Variants in UGT1A9 observed in about 807,000 individuals in gnomAD.
UGT1A9 encodes UDP glucuronosyltransferase family 1 member A9.
In UGT1A9, 35 loss-of-function variants were observed where a neutral mutation model predicts 45.0. The observed-to-expected ratio is 0.78, with a 90% CI of 0.59 to 1.03. The LOEUF (loss-of-function observed/expected upper bound fraction) is 1.03, where lower values mean the gene tolerates loss of function less well. Ranked by LOEUF, UGT1A9 falls within the 50% of genes least tolerant of loss-of-function variation. The probability of loss-of-function intolerance (pLI) is 0.00; values close to 1 mark genes in which losing one functional copy is unlikely to be tolerated. For synonymous variants in UGT1A9, 278 were observed against 250.6 expected (o/e 1.11, Z -1.03); for missense variants, 687 against 666.6 (o/e 1.03, Z -0.34).
intron 1 of UGT1A9, chr2:233,690,736 T>C (rs1485807418): frequency 1.7e-6 from 2 of 1,207,170 alleles, no homozygotes; most frequent in Non-Finnish European, 2.1e-6. Flanking sequence ...GCCAGATTCC[T>C]CTGGCTAGTG....
chr2:233,736,955 C>T (rs954996490), intron 1 of UGT1A9, among the ~76,000 whole-genome samples: 6 of 152,190 alleles, frequency 3.9e-5, no homozygotes, highest in African/African-American at 1.2e-4. Context: ...TCTGTTGGCC[C>T]CTACTGGGAG....
intron 1 of UGT1A9, among the ~76,000 whole-genome samples, chr2:233,702,537 T>G (rs2075692564): frequency 6.6e-6 from 1 of 152,208 alleles, no homozygotes; most frequent in Non-Finnish European, 1.5e-5. Context: ...ATCTTGTTCC[T>G]GATCTTAGGT....
chr2:233,686,223 C>A (rs2074778495), intron 1 of UGT1A9, among the ~76,000 whole-genome samples: 1 of 151,180 alleles, frequency 6.6e-6, no homozygotes, highest in Admixed American at 6.6e-5. Flanking sequence ...ATATTTGTGA[C>A]CTTGGATTTG....
chr2:233,688,290 A>AT (rs1275876598), intron 1 of UGT1A9, among the ~76,000 whole-genome samples: 41 of 152,054 alleles, frequency 2.7e-4, no homozygotes, highest in South Asian at 4.2e-4. Flanking sequence ...GATTTACCGC[A>AT]TTTTTTTTAT....
intron 1 of UGT1A9, among the ~76,000 whole-genome samples, chr2:233,696,580 A>T (rs2125568256): frequency 6.6e-6 from 1 of 151,478 alleles, no homozygotes; most frequent in South Asian, 2.1e-4. Context: ...GAATAATTTG[A>T]CTTCTTCCTT....
chr2:233,745,758 T>G (rs1376334947), intron 1 of UGT1A9, among the ~76,000 whole-genome samples: 23 of 128,998 alleles, frequency 1.8e-4, no homozygotes, highest in East Asian at 4.6e-4. Context: ...GCAGAAGGGG[T>G]GGAGAGGAGG....
intron 1 of UGT1A9, among the ~76,000 whole-genome samples, chr2:233,701,119 T>C (rs1402292168): frequency 2.6e-5 from 4 of 152,206 alleles, no homozygotes; most frequent in African/African-American, 7.2e-5. Context: ...CAGTCTATCA[T>C]TGAGGGACAT....
chr2:233,705,088 A>G (rs1036319858), intron 1 of UGT1A9, among the ~76,000 whole-genome samples: 1 of 151,886 alleles, frequency 6.6e-6, no homozygotes, highest in Non-Finnish European at 1.5e-5. Flanking sequence ...GAGAGCCAAG[A>G]TCGTGCCATT....
Position 233,693,128 on chromosome 2 carries a change from A to G in UGT1A9, c.855+20339A>G, listed in dbSNP as rs148594741. 338 of 1,614,088 alleles carry G rather than the reference A, an allele frequency of 2.1e-4. No homozygotes were observed. The highest frequency in any genetic ancestry group is 2.7e-4 in the Non-Finnish European group (320 of 1,180,052). On this transcript the variant is annotated intron_variant, in intron 1 of 4. Transcript: ENST00000354728. ...TCAGGACGGAAGCCACTGGCTTAGTATGAAGGATATAGTTGAGGTTCTCAG... is the reference window on the plus strand; with the variant it reads ...TCAGGACGGAAGCCACTGGCTTAGTGTGAAGGATATAGTTGAGGTTCTCAG...
At chr2:233,750,638 T>A (rs1330204251) in intron 1 of UGT1A9, 1 of 150,162 alleles carries the variant, frequency 6.7e-6, no homozygotes, top group Non-Finnish European at 1.5e-5. Context: ...CCCCCTGCTG[T>A]GTGCAGCCTC....
chr2:233,716,529 A>T (rs1261815071), intron 1 of UGT1A9, among the ~76,000 whole-genome samples: 1 of 152,154 alleles, frequency 6.6e-6, no homozygotes, highest in Non-Finnish European at 1.5e-5. Flanking sequence ...CCATTCAATT[A>T]TCTCCTTTCT....
intron 1 of UGT1A9, chr2:233,718,078 G>T (rs1030624873): frequency 1.2e-5 from 4 of 342,356 alleles, no homozygotes; most frequent in African/African-American, 4.3e-5. Flanking sequence ...TGCTAGGGTT[G>T]TCTTGCCCAT....
intron 1 of UGT1A9, among the ~76,000 whole-genome samples, chr2:233,686,566 A>G (rs1201654233): frequency 6.6e-6 from 1 of 152,094 alleles, no homozygotes; most frequent in Non-Finnish European, 1.5e-5. Context: ...CCCTGGTTTC[A>G]GAAGTTAGTG....
chr2:233,681,979 GT>G (rs765305021), intron 1 of UGT1A9: 1 of 1,614,162 alleles, frequency 6.2e-7, no homozygotes, highest in Non-Finnish European at 8.5e-7. Context: ...CCCTATATGT[GT>G]GTCTACTGCT....
chr2:233,692,069 G>A (rs561422627), intron 1 of UGT1A9: 5 of 151,060 alleles, frequency 3.3e-5, no homozygotes, highest in Admixed American at 6.6e-5. Context: ...GAAGAAAGGA[G>A]AGAGAGATTG....
intron 1 of UGT1A9, chr2:233,748,172 T>A: frequency 6.3e-7 from 1 of 1,584,752 alleles, no homozygotes; most frequent in Non-Finnish European, 8.6e-7. Context: ...TCTACTTATC[T>A]TTCTGGTGCT....
intron 1 of UGT1A9, chr2:233,682,682 T>A: frequency 6.2e-7 from 1 of 1,613,870 alleles, no homozygotes; most frequent in Non-Finnish European, 8.5e-7. Flanking sequence ...CAGCCACACA[T>A]CAATTTGGTT....
At chr2:233,686,774 T>C (rs1410768697) in intron 1 of UGT1A9, among the ~76,000 whole-genome samples, 1 of 152,160 alleles carries the variant, frequency 6.6e-6, no homozygotes, top group Non-Finnish European at 1.5e-5. Context: ...TATGCAACAC[T>C]CCAACTCTCC....
At chr2:233,724,842 G>C (rs2077321270) in intron 1 of UGT1A9, among the ~76,000 whole-genome samples, 1 of 132,456 alleles carries the variant, frequency 7.5e-6, no homozygotes, top group Non-Finnish European at 1.6e-5. Flanking sequence ...GGAGGCCAAG[G>C]CAGGCGGCTG....
Sources: gnomAD v4.1 joint callset for allele counts (sites outside exome capture counted in the v4.1 genomes callset) on GRCh38, gnomAD v4.1.1 for gene constraint, MANE v1.5 for transcripts, NCBI Gene and HGNC (gene_info 2026-07-23, HGNC 2026-07-21) for gene names.